The following IDH3G variants were observed in gnomAD, a reference collection of about 807,000 sequenced individuals.
IDH3G encodes the protein isocitrate dehydrogenase [NAD] subunit gamma, mitochondrial.
A neutral mutation model predicts 26.9 loss-of-function variants in IDH3G; 9 were observed. That is an observed-to-expected ratio of 0.34 (90% confidence interval 0.20 to 0.58). IDH3G has a LOEUF of 0.58. IDH3G is among the 20% of genes least tolerant of loss of function. IDH3G has a pLI of 0.85. For missense variants in IDH3G, 250 were observed against 372.8 expected (o/e 0.67, Z 2.71); for synonymous variants, 181 against 160.0 (o/e 1.13, Z -0.99).
At chrX:153,794,049 T>G in intron 1 of IDH3G, 197 bp downstream of exon 1, 1 of 439,344 alleles carries the variant, frequency 2.3e-6, no homozygotes, top group Non-Finnish European at 3.7e-6. Context: ...GCAGACCCCC[T>G]GGGGGAGCCG....
rs2092124255 is a variant in IDH3G at position 153,794,340 on chromosome X, A to G, written c.-14T>C. 8.4e-7 allele frequency: 1 copy of G among 1,189,466 alleles called. No homozygotes were observed. Among genetic ancestry groups the G allele is most frequent in the Non-Finnish European group, 1.1e-6 (1 of 885,204 alleles). On this transcript the variant is annotated 5_prime_UTR_variant, in exon 1 of 13. Coordinates refer to ENST00000217901, the MANE Select transcript of IDH3G (RefSeq NM_004135.4). ...CTTCAGCGCCATGACGGAAAGTGAG[A>G]GCCTCCGCACGTCCCGACACGCAGA...
chrX:153,788,043 C>A, intron 6 of IDH3G, 32 bp downstream of exon 6: 3 of 1,211,222 alleles, frequency 2.5e-6, no homozygotes, highest in Admixed American at 2.2e-5. Flanking sequence ...CTTAGCCCCA[C>A]CAAGCCCCCA....
chrX:153,787,955 G>C lies in IDH3G; in HGVS notation c.408C>G (p.Arg136=), dbSNP rs1182891875. Reference sequence around the variant, plus strand: ...CGTTGGCATAGAGGTCCAGGCTGGTGCTGGGAGGGGACGGAGAAAGAGGCT... The same window carrying C: ...CGTTGGCATAGAGGTCCAGGCTGGTCCTGGGAGGGGACGGAGAAAGAGGCT... ...PSHKSRNNIL[R]TSLDLYANVI... Residue 136 remains arginine (R), a splice_region_variant and synonymous_variant, in exon 7 of 13, where the codon CGC becomes CGG. Transcript: ENST00000217901. The C allele has an allele frequency of 8.3e-7, 1 of 1,210,634 alleles. No individual in the cohort carries two copies.
intron 8 of IDH3G, 118 bp downstream of exon 8, chrX:153,787,346 G>A: frequency 3.1e-6 from 3 of 976,292 alleles, no homozygotes; most frequent in East Asian, 3.1e-5. Context: ...CAGGGCACTC[G>A]CCTAGGGTGG....
chrX:153,790,422 C>T (rs1038313390), intron 3 of IDH3G, 130 bp from the exon 4 acceptor site: 2 of 878,503 alleles, frequency 2.3e-6, no homozygotes, highest in Non-Finnish European at 3.3e-6. Flanking sequence ...TCACAAGGTG[C>T]CAACTTGGGG....
chrX:153,789,925 C>T, intron 4 of IDH3G, 101 bp from the exon 5 acceptor site: 1 of 560,364 alleles, frequency 1.8e-6, no homozygotes, highest in East Asian at 3.6e-5. Context: ...CTGCCCTGAC[C>T]TGGCTCTGAC....
At chrX:153,792,709 T>C (rs1223323165) in intron 1 of IDH3G, among the ~76,000 whole-genome samples, 1 of 112,530 alleles carries the variant, frequency 8.9e-6, no homozygotes, top group African/African-American at 3.2e-5. Flanking sequence ...AGGTGTTCCT[T>C]TGGGCTTTGG....
At chrX:153,794,065 G>A in intron 1 of IDH3G, 181 bp downstream of exon 1, 1 of 504,092 alleles carries the variant, frequency 2.0e-6, no homozygotes, top group Non-Finnish European at 3.1e-6. Flanking sequence ...AGCCGGTCCA[G>A]GGCCAACTTC....
At position 153,790,706 on chromosome X, in the gene IDH3G, C is replaced by A. The variant is rs2092106239; in HGVS notation, c.123+104G>T. 9 of 1,074,479 alleles carry A rather than the reference C, an allele frequency of 8.4e-6. No homozygotes were observed. In the Admixed American group the frequency reaches 2.0e-4, roughly 24 times the overall value. The allele number at this position is 1,074,479 out of a possible 1,213,427, so 88.5% of individuals were successfully genotyped here. A position where few individuals can be genotyped will look rare whatever the true frequency, so the allele number is the denominator to read the frequency against. ...ACTCCCAGAAGAGGGGTGGGTAGCC[C>A]CTGGAGACCACGTCTCAGAGGACAG... On this transcript the variant is annotated intron_variant, in intron 2 of 12. Transcript: ENST00000217901.
At chrX:153,787,683 G>A (rs1022643806) in intron 7 of IDH3G, 86 bp from the exon 8 acceptor site, 13 of 1,146,953 alleles carry the variant, frequency 1.1e-5, no homozygotes, top group Middle Eastern at 2.5e-4. Context: ...GCCACCGTGG[G>A]AAGCAACCCT....
Position 153,787,895 on chromosome X carries a change from G to A in IDH3G, c.468C>T (p.Thr156=). The A allele has an allele frequency of 3.3e-6, 4 of 1,210,614 alleles. No individual in the cohort carries two copies. Among genetic ancestry groups the A allele is most frequent in the Non-Finnish European group, 4.5e-6 (4 of 894,336 alleles). The stretch of plus-strand genomic sequence containing the variant: ...TGAGGATGTCTATGTCCTTGTGCCG[G>A]GTCACCACGCCTGGAAGGCTCTTAC... ...IHCKSLPGVV[T]RHKDIDILIV... Residue 156 remains threonine, a synonymous_variant, in exon 7 of 13, where the codon ACC becomes ACT. Coordinates refer to ENST00000217901, the MANE Select transcript of IDH3G (RefSeq NM_004135.4).
intron 1 of IDH3G, 146 bp downstream of exon 1, chrX:153,794,100 A>T: frequency 1.6e-6 from 1 of 607,739 alleles, no homozygotes. Context: ...GTGACAGCGG[A>T]GGCGGCCAAT....
chrX:153,786,723 C>T (rs782658885), intron 10 of IDH3G, 78 bp downstream of exon 10: 15 of 1,095,016 alleles, frequency 1.4e-5, no homozygotes, highest in Admixed American at 7.3e-5. Flanking sequence ...ACGGGCTAAC[C>T]GGATGGGATG....
At chrX:153,791,023 G>A (rs908373569) in intron 1 of IDH3G, 172 bp from the exon 2 acceptor site, 24 of 424,964 alleles carry the variant, frequency 5.6e-5, no homozygotes, top group Non-Finnish European at 9.5e-5. Context: ...CCCCAGGGCC[G>A]GCCCGCTGGA....
At chrX:153,793,638 C>A (rs1220246729) in intron 1 of IDH3G, 1 of 112,061 alleles carries the variant, frequency 8.9e-6, no homozygotes, top group African/African-American at 3.3e-5. Flanking sequence ...AAATTAACCT[C>A]TTCTTAAATA....
intron 5 of IDH3G, chrX:153,789,041 G>A: frequency 3.0e-6 from 1 of 332,186 alleles, no homozygotes; most frequent in East Asian, 9.9e-5. Flanking sequence ...ACTGTCTCAG[G>A]AGGGAAGGAG....
chrX:153,789,947 T>C (rs1557070093), intron 4 of IDH3G, 123 bp from the exon 5 acceptor site: 1 of 508,434 alleles, frequency 2.0e-6, no homozygotes, highest in African/African-American at 2.3e-5. Flanking sequence ...GAGAAGGGAC[T>C]GGGCCCACCT....
At position 153,789,706 on chromosome X, in the gene IDH3G, G is replaced by A; in HGVS notation, c.346+6C>T. Reference sequence around the variant, plus strand: ...CCCCATCCTGGCCCCTGGCCCTGGAGCTCACCCTTCAGGGCCACGCGGTTC... The same window carrying A: ...CCCCATCCTGGCCCCTGGCCCTGGAACTCACCCTTCAGGGCCACGCGGTTC... On this transcript the variant is annotated splice_donor_region_variant and intron_variant, in intron 5 of 12. Coordinates refer to ENST00000217901, the MANE Select transcript of IDH3G (RefSeq NM_004135.4). 8.8e-7 allele frequency: 1 copy of A among 1,131,110 alleles called. No homozygotes were observed. Among genetic ancestry groups the A allele is most frequent in the Non-Finnish European group, 1.2e-6 (1 of 828,572 alleles). The allele number at this position is 1,131,110 out of a possible 1,213,427, so 93.2% of individuals were successfully genotyped here.
intron 1 of IDH3G, 111 bp downstream of exon 1, chrX:153,794,135 C>T: frequency 1.2e-6 from 1 of 860,950 alleles, no homozygotes. Flanking sequence ...AGCCCTTTCC[C>T]CGCCCCTGGT....
Sources: gnomAD v4.1 joint callset for allele counts (sites outside exome capture counted in the v4.1 genomes callset) on GRCh38, gnomAD v4.1.1 for gene constraint, MANE v1.5 for transcripts, NCBI Gene and HGNC (gene_info 2026-07-23, HGNC 2026-07-21) for gene names.